Variants in ARHGEF6 observed in about 807,000 individuals in gnomAD.
ARHGEF6 encodes the protein rho guanine nucleotide exchange factor 6.
ARHGEF6 carries 9 observed loss-of-function variants against 70.3 expected under a neutral mutation model. The ratio of observed to expected loss-of-function variants is 0.13; its 90% CI spans 0.08 to 0.22. ARHGEF6 has a LOEUF of 0.22. Among genes scored for constraint, ARHGEF6 ranks in the 10% least tolerant of loss-of-function variants. The pLI is 1.00. For missense variants in ARHGEF6, 470 were observed against 563.0 expected, an observed-to-expected ratio of 0.83 and a Z score of 1.67; for synonymous variants, 201 against 207.8, an observed-to-expected ratio of 0.97 and a Z score of 0.28.
At chrX:136,678,000 C>T (rs1224804589) in intron 16 of ARHGEF6, 44 bp from the exon 17 acceptor site, 2 of 1,132,680 alleles carry the variant, frequency 1.8e-6, no homozygotes, top group Admixed American at 4.4e-5. Flanking sequence ...CGTGAGAGGT[C>T]GATGGTTATA....
At chrX:136,687,824 T>C (rs774116101) in intron 11 of ARHGEF6, 108 bp downstream of exon 11, 34 of 688,560 alleles carry the variant, frequency 4.9e-5, no homozygotes, top group Non-Finnish European at 7.1e-5. Context: ...TGAAAGCTTA[T>C]TTCCATTCTA....
At chrX:136,743,925 G>T (rs774886221) in intron 4 of ARHGEF6, 139 bp from the exon 5 acceptor site, 1 of 559,630 alleles carries the variant, frequency 1.8e-6, no homozygotes, top group Non-Finnish European at 3.0e-6. Flanking sequence ...TTTTAACTTA[G>T]GAATCCATGA....
intron 2 of ARHGEF6, among the ~76,000 whole-genome samples, chrX:136,763,950 C>T (rs780290383): frequency 1.8e-3 from 199 of 111,738 alleles, no homozygotes; most frequent in African/African-American, 6.3e-3. Flanking sequence ...ATAAAGGTAG[C>T]TTGGCACAAG....
chrX:136,703,405 T>C (rs1299671531), intron 9 of ARHGEF6, among the ~76,000 whole-genome samples: 2 of 112,771 alleles, frequency 1.8e-5, no homozygotes, highest in East Asian at 5.5e-4. Flanking sequence ...TTTTTACAAA[T>C]TGAAGTTTTG....
chrX:136,760,852 C>A (rs1603354421), intron 2 of ARHGEF6, among the ~76,000 whole-genome samples: 1 of 111,805 alleles, frequency 8.9e-6, no homozygotes, highest in African/African-American at 3.3e-5. Context: ...AAATTTCAAG[C>A]TATTTTAATT....
At chrX:136,673,338 G>A (rs1365406742) in intron 19 of ARHGEF6, among the ~76,000 whole-genome samples, 1 of 111,732 alleles carries the variant, frequency 8.9e-6, no homozygotes, top group Non-Finnish European at 1.9e-5. Flanking sequence ...GCTGAATGCA[G>A]TAAGAGCCGA....
At chrX:136,774,520 G>A (rs1252198556) in intron 2 of ARHGEF6, among the ~76,000 whole-genome samples, 5 of 107,571 alleles carry the variant, frequency 4.6e-5, no homozygotes, top group Non-Finnish European at 7.7e-5. Context: ...GCGTGGTGGC[G>A]CGTGCCTGTA....
chrX:136,699,417 AT>A (rs1172841797), intron 9 of ARHGEF6, among the ~76,000 whole-genome samples: 3 of 111,844 alleles, frequency 2.7e-5, no homozygotes, highest in East Asian at 2.8e-4. Context: ...TAATAAAAAA[AT>A]AAAATATAGT....
chrX:136,683,283 G>A (rs973809832), intron 12 of ARHGEF6, among the ~76,000 whole-genome samples: 5 of 112,195 alleles, frequency 4.5e-5, no homozygotes, highest in Middle Eastern at 4.6e-3. Flanking sequence ...TGTTAAAGTC[G>A]TATTCATAAA....
At chrX:136,687,401 A>C (rs958495154) in intron 11 of ARHGEF6, among the ~76,000 whole-genome samples, 4 of 112,531 alleles carry the variant, frequency 3.6e-5, no homozygotes, top group African/African-American at 6.5e-5. Flanking sequence ...GTTCAAGAAG[A>C]TACATTAACC....
chrX:136,705,695 C>T (rs1190243174), intron 9 of ARHGEF6, among the ~76,000 whole-genome samples: 1 of 112,273 alleles, frequency 8.9e-6, no homozygotes, highest in Non-Finnish European at 1.9e-5. Context: ...AGGTTCATGA[C>T]CTCTCTTTCT....
At chrX:136,726,710 A>G (rs760106490) in intron 6 of ARHGEF6, among the ~76,000 whole-genome samples, 1 of 112,834 alleles carries the variant, frequency 8.9e-6, no homozygotes, top group South Asian at 3.6e-4. Flanking sequence ...ATTATGTTAC[A>G]TAAAGTAGGA....
intron 6 of ARHGEF6, among the ~76,000 whole-genome samples, chrX:136,727,637 A>G (rs1255547189): frequency 9.3e-6 from 1 of 107,693 alleles, no homozygotes; most frequent in East Asian, 2.9e-4. Flanking sequence ...AGGTTCAAGC[A>G]ATTCTCCTGC....
At chrX:136,751,140 A>G (rs946354687) in intron 2 of ARHGEF6, among the ~76,000 whole-genome samples, 13 of 111,896 alleles carry the variant, frequency 1.2e-4, no homozygotes, top group African/African-American at 4.2e-4. Context: ...CCCAGCCCAG[A>G]CATTTAATTT....
In ARHGEF6 at chrX:136,682,817, A is replaced by T. The variant is rs1316734973; in HGVS notation, c.1420T>A (p.Phe474Ile). The T allele has an allele frequency of 8.3e-7, 1 of 1,207,782 alleles. No individual in the cohort carries two copies. The highest frequency in any genetic ancestry group is 1.1e-6 in the Non-Finnish European group (1 of 892,897). The change falls in exon 13 of 22, where the codon TTT (phenylalanine) becomes ATT (isoleucine). Residue 474 changes from phenylalanine (F) to isoleucine (I), a missense_variant. Transcript: ENST00000250617. Reference protein sequence around the residue: ...EEKEERYLMLFSNVLIMLSAS... With the variant: ...EEKEERYLMLISNVLIMLSAS... Reference sequence around the variant, plus strand: ...GATAACATTATCAGGACATTTGAAAATAACATAAGGTACCGCTCCTCTTTT... The same window carrying T: ...GATAACATTATCAGGACATTTGAAATTAACATAAGGTACCGCTCCTCTTTT...
intron 2 of ARHGEF6, among the ~76,000 whole-genome samples, chrX:136,753,415 C>A (rs1311223612): frequency 9.0e-6 from 1 of 111,390 alleles, no homozygotes; most frequent in Non-Finnish European, 1.9e-5. Flanking sequence ...CTCCATTTCC[C>A]ATCTGGAAAG....
intron 3 of ARHGEF6, among the ~76,000 whole-genome samples, chrX:136,746,345 C>T (rs1272940972): frequency 8.9e-6 from 1 of 112,179 alleles, no homozygotes; most frequent in African/African-American, 3.2e-5. Context: ...CAGCTATACG[C>T]CTTGCAATAG....
At chrX:136,737,195 G>A (rs1251292879) in intron 5 of ARHGEF6, among the ~76,000 whole-genome samples, 1 of 112,051 alleles carries the variant, frequency 8.9e-6, no homozygotes, top group African/African-American at 3.2e-5. Flanking sequence ...AAAACTCTAC[G>A]TTGGCTGGGC....
At chrX:136,693,920 A>C (rs2076483749) in intron 9 of ARHGEF6, among the ~76,000 whole-genome samples, 1 of 111,827 alleles carries the variant, frequency 8.9e-6, no homozygotes, top group Non-Finnish European at 1.9e-5. Context: ...GCTGGCTGCC[A>C]CAGCCTCTGG....
Sources: allele counts gnomAD v4.1 joint callset (sites outside exome capture counted in the v4.1 genomes callset), GRCh38; gene constraint gnomAD v4.1.1; transcripts MANE v1.5; gene names NCBI Gene and HGNC (gene_info 2026-07-23, HGNC 2026-07-21).